The following TMEM53 variants were observed in gnomAD, a reference collection of about 807,000 sequenced individuals.
TMEM53 encodes the protein transmembrane protein 53.
In TMEM53, 14 loss-of-function variants were observed where a neutral mutation model predicts 21.4. The ratio of observed to expected loss-of-function variants is 0.65; its 90% confidence interval spans 0.43 to 1.02. The LOEUF is 1.02. Ranked by LOEUF, TMEM53 falls within the 50% of genes least tolerant of loss-of-function variation. TMEM53 has a pLI of 0.00. For synonymous variants in TMEM53, 148 were observed against 157.4 expected, an observed-to-expected ratio of 0.94 and a Z score of 0.45; for missense variants, 323 against 383.6, an observed-to-expected ratio of 0.84 and a Z score of 1.32.
At chr1:44,660,400 C>T (rs1026343178) in intron 1 of TMEM53, 105 bp from the exon 2 acceptor site, 302 of 1,466,002 alleles carry the variant, frequency 2.1e-4, no homozygotes, top group Non-Finnish European at 2.6e-4. Flanking sequence ...CAGGGAACAA[C>T]GGGTGCCAGG....
chr1:44,656,849 T>C (rs1351153935), intron 2 of TMEM53, among the ~76,000 whole-genome samples: 1 of 152,000 alleles, frequency 6.6e-6, no homozygotes, highest in African/African-American at 2.4e-5. Flanking sequence ...CCGTCTCTAC[T>C]AAAAATACAC....
chr1:44,669,466 A>C (rs1341224616), intron 1 of TMEM53, among the ~76,000 whole-genome samples: 1 of 152,210 alleles, frequency 6.6e-6, no homozygotes, highest in Non-Finnish European at 1.5e-5. Flanking sequence ...ATGGCAACTG[A>C]AATCTCGGCA....
intron 1 of TMEM53, among the ~76,000 whole-genome samples, chr1:44,666,838 G>T (rs939555012): frequency 1.3e-5 from 2 of 151,516 alleles, no homozygotes; most frequent in African/African-American, 2.4e-5. Flanking sequence ...CCAGTGAATT[G>T]TACTTTTTTT....
At position 44,654,592 on chromosome 1, in the gene TMEM53, A is replaced by G. The variant is rs141465276; in HGVS notation, c.801T>C (p.Cys267=). The G allele has an allele frequency of 2.5e-6, 4 of 1,610,234 alleles. No individual in the cohort carries two copies. In the African/African-American group the frequency reaches 5.3e-5, roughly 21 times the overall value. Residue 267 remains cysteine (C), a synonymous_variant, in exon 3 of 3, where the codon TGT becomes TGC. Transcript: ENST00000372237. The surrounding 1 kb of genome is among the most constrained non-coding windows in gnomAD (Gnocchi z 7.0). ...GGACGCAGTTGCGCATGAAGTCGAC[A>G]CAGAGGCTTGTGTAGTAAGTAGGGT... ...RDYPTYYTSL[C]VDFMRNCVRC
chr1:44,665,057 T>C (rs921667840), intron 1 of TMEM53, among the ~76,000 whole-genome samples: 12 of 152,028 alleles, frequency 7.9e-5, no homozygotes, highest in African/African-American at 2.4e-4. Context: ...CCAGGAAGCC[T>C]TCCTTGACGC....
rs1179216350 is a variant in TMEM53 at position 44,669,610 on chromosome 1, T to G, written c.61+4721A>C. 4.6e-5 allele frequency among the ~76,000 whole-genome samples: 7 copies of G among 152,214 alleles called. No individual in the cohort carries two copies. In the East Asian group the frequency reaches 1.3e-3, roughly 29 times the overall value. ...GGTTCTCCCTACTTCACAAGGTGGT[T>G]GTGAGGATTAATAAAATAATGAAAG... On this transcript the variant is annotated intron_variant, in intron 1 of 2. Transcript: ENST00000372237.
intron 1 of TMEM53, among the ~76,000 whole-genome samples, chr1:44,672,330 G>C (rs1008137683): frequency 2.6e-5 from 4 of 152,196 alleles, no homozygotes; most frequent in African/African-American, 7.2e-5. Flanking sequence ...GCTCTGTATC[G>C]TTCCCACCAC....
chr1:44,658,064 C>T (rs1168982067), intron 2 of TMEM53, among the ~76,000 whole-genome samples: 1 of 152,076 alleles, frequency 6.6e-6, no homozygotes, highest in African/African-American at 2.4e-5. Flanking sequence ...GTACAACGGC[C>T]CATTTCCCAA....
At position 44,654,957 on chromosome 1, in the gene TMEM53, G is replaced by A. The variant is rs1644834905; in HGVS notation, c.436C>T (p.Pro146Ser). The change falls in exon 3 of 3, where the codon CCT (proline) becomes TCT (serine). Residue 146 changes from proline (P) to serine (S), a missense_variant. Physicochemically the swap from Pro to Ser is moderately conservative, Grantham distance 74. Coordinates refer to ENST00000372237, the MANE Select transcript of TMEM53 (RefSeq NM_024587.4). The surrounding 1 kb of genome is among the most constrained non-coding windows in gnomAD (Gnocchi z 7.0). ...GCCCCTACCAGGTTGCTGTCACCAGGAGCGCTGTCAAAGATGGTGCCCACC... is the reference window on the plus strand; with the variant it reads ...GCCCCTACCAGGTTGCTGTCACCAGAAGCGCTGTCAAAGATGGTGCCCACC... The part of the protein sequence containing the change: ...RVVGTIFDSA[P>S]GDSNLVGALR... 1.9e-6 allele frequency: 3 copies of A among 1,613,866 alleles called. No homozygotes were observed. Among genetic ancestry groups the A allele is most frequent in the South Asian group, 1.1e-5 (1 of 91,070 alleles).
chr1:44,665,130 C>G (rs1644937291), intron 1 of TMEM53, among the ~76,000 whole-genome samples: 2 of 151,874 alleles, frequency 1.3e-5, no homozygotes, highest in South Asian at 2.1e-4. Flanking sequence ...GGTGCCCCTC[C>G]TCTGTACTGC....
At chr1:44,673,883 C>T (rs1645046200) in intron 1 of TMEM53, 3 of 985,310 alleles carry the variant, frequency 3.0e-6, no homozygotes, top group Admixed American at 6.1e-5. Flanking sequence ...GCTAAGGGTT[C>T]TGAGTCCCGG....
At chr1:44,662,183 C>T (rs945802480) in intron 1 of TMEM53, among the ~76,000 whole-genome samples, 4 of 152,222 alleles carry the variant, frequency 2.6e-5, no homozygotes, top group Admixed American at 6.5e-5. Flanking sequence ...AATGTTCCTG[C>T]TCTCTAGTGG....
At chr1:44,672,713 G>A (rs1401496067) in intron 1 of TMEM53, among the ~76,000 whole-genome samples, 1 of 151,752 alleles carries the variant, frequency 6.6e-6, no homozygotes, top group Admixed American at 6.6e-5. Context: ...GCAGCAAAGG[G>A]AGCCATGGGA....
rs910888779 is a variant in TMEM53 at position 44,653,764 on chromosome 1, G to A, written c.*795C>T. On this transcript the variant is annotated 3_prime_UTR_variant, in exon 3 of 3. Coordinates refer to ENST00000372237, the MANE Select transcript of TMEM53 (RefSeq NM_024587.4). Reference sequence around the variant, plus strand: ...CCGCAGCCTGACGCTACCCCTGACCGATATACCTTCCCTCTGGCATCTCCC... The same window carrying A: ...CCGCAGCCTGACGCTACCCCTGACCAATATACCTTCCCTCTGGCATCTCCC... The A allele has an allele frequency of 9.8e-5, 15 of 152,358 alleles. No homozygotes were observed. Among genetic ancestry groups the A allele is most frequent in the African/African-American group, 2.2e-4 (9 of 41,542 alleles). The allele number at this position is 152,358 out of a possible 1,614,324, so 9.4% of individuals were successfully genotyped here. A position where few individuals can be genotyped will look rare whatever the true frequency, so the allele number is the denominator to read the frequency against.
Position 44,655,305 on chromosome 1 carries a change from A to C in TMEM53, c.184-96T>G, listed in dbSNP as rs1644839900. 7.9e-7 allele frequency: 1 copy of C among 1,269,366 alleles called. No homozygotes were observed. Among genetic ancestry groups the C allele is most frequent in the Non-Finnish European group, 1.1e-6 (1 of 929,592 alleles). 78.6% of individuals were successfully genotyped at this position (1,269,366 alleles called of 1,614,324 possible). A position where few individuals can be genotyped will look rare whatever the true frequency, so the allele number is the denominator to read the frequency against. On this transcript the variant is annotated intron_variant, in intron 2 of 2. Coordinates refer to ENST00000372237, the MANE Select transcript of TMEM53 (RefSeq NM_024587.4). The surrounding 1 kb of genome is among the most constrained non-coding windows in gnomAD (Gnocchi z 4.4). ...GCCCAGCAACCCCAGCCTGTAGGAC[A>C]TAGGCCATGGGGCCCACAGCGTCAG...
In TMEM53 at chr1:44,655,326, G is replaced by A. The variant is rs978828110; in HGVS notation, c.184-117C>T. ...GGACATAGGCCATGGGGCCCACAGC[G>A]TCAGCAATGCTCTGGGTCCTGCTTC... is the stretch of plus-strand genomic sequence containing the variant. On this transcript the variant is annotated intron_variant, in intron 2 of 2. Transcript: ENST00000372237. The surrounding 1 kb of genome is among the most constrained non-coding windows in gnomAD (Gnocchi z 4.4). The A allele has an allele frequency of 7.8e-6, 8 of 1,023,384 alleles. No individual in the cohort carries two copies. The highest frequency in any genetic ancestry group is 3.6e-5 in the South Asian group (2 of 56,020). 63.4% of individuals were successfully genotyped at this position (1,023,384 alleles called of 1,614,324 possible). A position where few individuals can be genotyped will look rare whatever the true frequency, so the allele number is the denominator to read the frequency against.
intron 1 of TMEM53, among the ~76,000 whole-genome samples, chr1:44,672,916 C>A (rs1645020616): frequency 6.6e-6 from 1 of 152,190 alleles, no homozygotes; most frequent in African/African-American, 2.4e-5. Context: ...GTACTCTTCC[C>A]ATTTCACAGT....
Sources: gnomAD v4.1 joint callset for allele counts (sites outside exome capture counted in the v4.1 genomes callset) on GRCh38, gnomAD v4.1.1 for gene constraint, Gnocchi (gnomAD v3.1) non-coding constraint, MANE v1.5 for transcripts, NCBI Gene and HGNC (gene_info 2026-07-23, HGNC 2026-07-21) for gene names.